Variants in ZNF44 observed in about 807,000 individuals in gnomAD.
ZNF44 encodes zinc finger protein 44, also known as gonadotropin inducible transcription repressor-2.
A neutral mutation model predicts 11.7 loss-of-function variants in ZNF44; 9 were observed. That is an observed-to-expected ratio of 0.77 (90% CI 0.46 to 1.35). The LOEUF (loss-of-function observed/expected upper bound fraction) is 1.35, where lower values mean the gene tolerates loss of function less well. Ranked by LOEUF, ZNF44 falls within the 40% of genes most tolerant of loss-of-function variation. The pLI is 0.00. For missense variants in ZNF44, 696 were observed against 743.1 expected, an observed-to-expected ratio of 0.94 and a Z score of 0.74; for synonymous variants, 224 against 242.7, an observed-to-expected ratio of 0.92 and a Z score of 0.72.
At chr19:12,249,489 G>C (rs1190911974) in intron 7 of ZNF44, among the ~76,000 whole-genome samples, 1 of 140,384 alleles carries the variant, frequency 7.1e-6, no homozygotes, top group East Asian at 2.2e-4. Flanking sequence ...TTGGGCGACA[G>C]AGCAAGACTC....
downstream of ZNF44, among the ~76,000 whole-genome samples, chr19:12,270,743 G>A (rs1001477356): frequency 1.3e-5 from 2 of 152,156 alleles, no homozygotes; most frequent in African/African-American, 2.4e-5. Context: ...GTGAACAAGT[G>A]TGCCCAGCCC....
chr19:12,262,513 C>A (rs1917551798), intron 5 of ZNF44, among the ~76,000 whole-genome samples: 1 of 152,128 alleles, frequency 6.6e-6, no homozygotes, highest in African/African-American at 2.4e-5. Flanking sequence ...TCATGATCTG[C>A]CCGCCTCGAC....
rs563141496 is a variant in ZNF44, at chr19:12,249,485, G to A, written c.*186+493C>T. Among the ~76,000 whole-genome samples the A allele has an allele frequency of 1.3e-3, 185 of 141,454 alleles. 2 individuals carry two copies. Among genetic ancestry groups the A allele is most frequent in the African/African-American group, 4.7e-3 (176 of 37,630 alleles). The allele number at this position is 141,454 out of a possible 152,430, so 92.8% of individuals were successfully genotyped here. ...CACGCCACTGCACTCCAGCTTGGGCGACAGAGCAAGACTCCGTCTCAGAAA... is the reference window on the plus strand; with the variant it reads ...CACGCCACTGCACTCCAGCTTGGGCAACAGAGCAAGACTCCGTCTCAGAAA... On this transcript the variant is annotated intron_variant and NMD_transcript_variant, in intron 7 of 7. Transcript: ENST00000393337.
intron 1 of ZNF44, among the ~76,000 whole-genome samples, chr19:12,282,936 G>A (rs1967549149): frequency 6.6e-6 from 1 of 152,178 alleles, no homozygotes; most frequent in African/African-American, 2.4e-5. Context: ...TATAGGCAAT[G>A]ATTGTAACGT....
At chr19:12,281,412 T>C (rs1043999662) in intron 1 of ZNF44, among the ~76,000 whole-genome samples, 5 of 152,148 alleles carry the variant, frequency 3.3e-5, no homozygotes, top group Non-Finnish European at 5.9e-5. Flanking sequence ...AGCAAAATCT[T>C]TGGAATGGAG....
rs574264315 is a variant in ZNF44 at position 12,272,618 on chromosome 19, A to C, written c.1637T>G (p.Phe546Cys). ...QCRKAFFWPSFLLRHERTHTG... is the reference protein window; with the variant it reads ...QCRKAFFWPSCLLRHERTHTG... ...GTGAGTCCTTTCATGTCTTAGAAGGAAAGAGGGCCAAAAGAATGCTTTCCT... is the reference window on the plus strand; with the variant it reads ...GTGAGTCCTTTCATGTCTTAGAAGGCAAGAGGGCCAAAAGAATGCTTTCCT... The change falls in exon 4 of 4, where the codon TTC becomes TGC. Residue 546 changes from phenylalanine to cysteine, a missense_variant. By Grantham distance (205) the Phe-to-Cys change is radical. Transcript: ENST00000355684. 1 of 1,612,978 alleles carries C rather than the reference A, an allele frequency of 6.2e-7. No homozygotes were observed. Among genetic ancestry groups the C allele is most frequent in the African/African-American group, 1.3e-5 (1 of 74,884 alleles).
intron 5 of ZNF44, among the ~76,000 whole-genome samples, chr19:12,263,617 C>T (rs955854034): frequency 1.3e-5 from 2 of 151,616 alleles, no homozygotes; most frequent in Non-Finnish European, 2.9e-5. Flanking sequence ...CTACAAAAAA[C>T]AAAAAACAAA....
chr19:12,269,950 A>G (rs1966899241), downstream of ZNF44, among the ~76,000 whole-genome samples: 1 of 151,926 alleles, frequency 6.6e-6, no homozygotes, highest in Non-Finnish European at 1.5e-5. Flanking sequence ...AAGAAATATT[A>G]TTTTAAGTCA....
downstream of ZNF44, among the ~76,000 whole-genome samples, chr19:12,244,239 A>G (rs994613199): frequency 6.6e-6 from 1 of 152,134 alleles, no homozygotes; most frequent in Non-Finnish European, 1.5e-5. Flanking sequence ...TTGGTCCCAG[A>G]TTCCTAGCCT....
chr19:12,233,612 T>G (rs1178247796), intron 2 of ZNF44, among the ~76,000 whole-genome samples: 1 of 147,784 alleles, frequency 6.8e-6, no homozygotes, highest in Admixed American at 6.7e-5. Context: ...GATAGCAAAT[T>G]TAATCGAAAA....
chr19:12,281,205 A>G (rs1296980977), intron 1 of ZNF44, among the ~76,000 whole-genome samples: 1 of 152,228 alleles, frequency 6.6e-6, no homozygotes, highest in East Asian at 1.9e-4. Flanking sequence ...TCAGCCATAA[A>G]ACACACTTGA....
At chr19:12,261,867 G>A (rs1214688111) in intron 5 of ZNF44, among the ~76,000 whole-genome samples, 1 of 151,896 alleles carries the variant, frequency 6.6e-6, no homozygotes. Flanking sequence ...AAACCTTTGT[G>A]TGTATTTTAA....
intron 1 of ZNF44, among the ~76,000 whole-genome samples, chr19:12,285,872 A>G (rs1264761317): frequency 6.6e-6 from 1 of 151,970 alleles, no homozygotes; most frequent in Non-Finnish European, 1.5e-5. Flanking sequence ...CAAAAAAATT[A>G]GCCAGGCGTG....
intron 1 of ZNF44, among the ~76,000 whole-genome samples, chr19:12,290,837 C>T (rs1436107408): frequency 6.6e-6 from 1 of 152,222 alleles, no homozygotes; most frequent in African/African-American, 2.4e-5. Context: ...CCACAATGAC[C>T]TCCCTTTGCA....
intron 5 of ZNF44, among the ~76,000 whole-genome samples, chr19:12,255,129 CACA>C (rs1387367486): frequency 1.2e-3 from 184 of 148,030 alleles, no homozygotes; most frequent in East Asian, 8.4e-3. Context: ...CACACACACA[CACA>C]CCCCTTTGTG....
intron 5 of ZNF44, among the ~76,000 whole-genome samples, chr19:12,265,376 C>T (rs536566021): frequency 7.3e-5 from 11 of 151,234 alleles, no homozygotes; most frequent in African/African-American, 2.7e-4. Context: ...GAGGGAGACA[C>T]TGTCTCAAAC....
chr19:12,294,096 C>T (rs925220114), intron 1 of ZNF44, among the ~76,000 whole-genome samples: 1 of 152,186 alleles, frequency 6.6e-6, no homozygotes, highest in Non-Finnish European at 1.5e-5. Context: ...CAAGAGTCGT[C>T]TAAGTTCTTT....
chr19:12,286,644 AG>A lies in ZNF44; in HGVS notation c.3+8047del, dbSNP rs202094101. Among the ~76,000 whole-genome samples, 45 of 150,262 alleles carry A rather than the reference AG, an allele frequency of 3.0e-4. 1 individual carries two copies. The highest frequency in any genetic ancestry group is 3.4e-3 in the Middle Eastern group (1 of 290). On this transcript the variant is annotated intron_variant, in intron 1 of 3. Transcript: ENST00000355684. Reference sequence around the variant, plus strand: ...AGAGCGAGACTTGGTCTCAAAAAAAAGAAAGAAAGAAAACAGATCATTGGGG... The same window carrying A: ...AGAGCGAGACTTGGTCTCAAAAAAAAAAAGAAAGAAAACAGATCATTGGGG...
intron 2 of ZNF44, among the ~76,000 whole-genome samples, chr19:12,232,927 A>G (rs1287640047): frequency 1.3e-5 from 2 of 152,168 alleles, no homozygotes; most frequent in East Asian, 3.8e-4. Context: ...CTCAAGAGCA[A>G]TATCAGAGAC....
Sources: allele counts gnomAD v4.1 joint callset (sites outside exome capture counted in the v4.1 genomes callset), GRCh38; gene constraint gnomAD v4.1.1; transcripts MANE v1.5; gene names NCBI Gene and HGNC (gene_info 2026-07-23, HGNC 2026-07-21).